RBMS3: variants seen among roughly 807,000 people sequenced by gnomAD.
The protein encoded by RBMS3 is RNA binding motif single stranded interacting protein 3.
Under a neutral mutation model 66.8 loss-of-function variants are expected in RBMS3, and 27 were observed. That is an observed-to-expected ratio of 0.40 (90% CI 0.30 to 0.56). RBMS3 has a LOEUF of 0.56. RBMS3 is among the 20% of genes least tolerant of loss of function. RBMS3 has a pLI of 0.40. For synonymous variants in RBMS3, 188 were observed against 183.0 expected, an observed-to-expected ratio of 1.03 and a Z score of -0.22; for missense variants, 513 against 549.5, an observed-to-expected ratio of 0.93 and a Z score of 0.66.
At chr3:29,382,809 C>T (rs1413284230) in intron 1 of RBMS3, among the ~76,000 whole-genome samples, 2 of 151,336 alleles carry the variant, frequency 1.3e-5, no homozygotes. Flanking sequence ...ATATAGAATC[C>T]AGAGATGAGA....
chr3:29,545,096 A>G (rs1179967904), intron 3 of RBMS3, among the ~76,000 whole-genome samples: 5 of 152,282 alleles, frequency 3.3e-5, no homozygotes, highest in African/African-American at 7.2e-5. Context: ...AAAAGAAACT[A>G]AAAGCCTTTC....
At chr3:29,646,332 T>C (rs926341542) in intron 4 of RBMS3, among the ~76,000 whole-genome samples, 1 of 152,182 alleles carries the variant, frequency 6.6e-6, no homozygotes, top group African/African-American at 2.4e-5. Flanking sequence ...AGAAAACAAT[T>C]GTGGCTGTAC....
intron 6 of RBMS3, among the ~76,000 whole-genome samples, chr3:29,833,828 A>G (rs558421893): frequency 1.4e-4 from 22 of 152,108 alleles, no homozygotes; most frequent in Non-Finnish European, 2.9e-4. Context: ...AGGTATATGA[A>G]GATCAAAAGC....
At chr3:29,903,595 A>C (rs888025373) in intron 10 of RBMS3, among the ~76,000 whole-genome samples, 1 of 152,008 alleles carries the variant, frequency 6.6e-6, no homozygotes, top group Non-Finnish European at 1.5e-5. Flanking sequence ...ATTTTGTTAC[A>C]TCTGTTATTA....
intron 10 of RBMS3, among the ~76,000 whole-genome samples, chr3:29,930,801 A>T (rs2061100511): frequency 6.6e-6 from 1 of 152,002 alleles, no homozygotes; most frequent in Non-Finnish European, 1.5e-5. Context: ...CTTGGATTTC[A>T]TCTTTAAGGG....
intron 2 of RBMS3, among the ~76,000 whole-genome samples, chr3:29,437,396 A>G (rs1429977663): frequency 2.0e-5 from 3 of 152,222 alleles, no homozygotes; most frequent in Admixed American, 6.5e-5. Context: ...TAACTCAGAG[A>G]TGTGGTAACA....
chr3:29,939,834 T>G (rs1168405259), intron 11 of RBMS3, among the ~76,000 whole-genome samples: 1 of 151,840 alleles, frequency 6.6e-6, no homozygotes, highest in Non-Finnish European at 1.5e-5. Context: ...CATCTAATAA[T>G]TTCAGACTCA....
chr3:29,787,418 A>G (rs1374201026), intron 6 of RBMS3, among the ~76,000 whole-genome samples: 1 of 152,226 alleles, frequency 6.6e-6, no homozygotes, highest in Non-Finnish European at 1.5e-5. Context: ...AATTGCAAAA[A>G]TATGGAACCA....
chr3:29,974,978 A>G (rs1254495418), intron 12 of RBMS3, among the ~76,000 whole-genome samples: 1 of 135,282 alleles, frequency 7.4e-6, no homozygotes, highest in Non-Finnish European at 1.6e-5. Context: ...ATATTTATAT[A>G]TTTTATATAT....
Position 29,487,666 on chromosome 3 carries a change from G to A in RBMS3, c.249-775G>A, listed in dbSNP as rs765827783. ...CTGTGTCGGCCACTGTCCTCAGCACGTTAGGTAAACCCCATTTTACCTTCA... is the reference window on the plus strand; with the variant it reads ...CTGTGTCGGCCACTGTCCTCAGCACATTAGGTAAACCCCATTTTACCTTCA... On this transcript the variant is annotated intron_variant, in intron 2 of 14. Transcript: ENST00000383767. 1.2e-4 allele frequency among the ~76,000 whole-genome samples: 18 copies of A among 152,094 alleles called. No homozygotes were observed. In the South Asian group the frequency reaches 1.5e-3, roughly 12 times the overall value.
chr3:29,658,379 G>T (rs555326376), intron 4 of RBMS3, among the ~76,000 whole-genome samples: 50 of 152,168 alleles, frequency 3.3e-4, no homozygotes, highest in Non-Finnish European at 1.5e-4. Flanking sequence ...TTTAGGCATG[G>T]CATGGAGCCT....
intron 1 of RBMS3, among the ~76,000 whole-genome samples, chr3:29,322,048 GT>G (rs1213354603): frequency 2.6e-5 from 4 of 152,040 alleles, no homozygotes; most frequent in Admixed American, 2.0e-4. Context: ...AATAACAATG[GT>G]TTTGCCAGGC....
chr3:29,869,433 G>T (rs528020060), intron 7 of RBMS3, among the ~76,000 whole-genome samples: 1 of 151,928 alleles, frequency 6.6e-6, no homozygotes, highest in Non-Finnish European at 1.5e-5. Flanking sequence ...ATTCCCATAT[G>T]TTCATAAATG....
At chr3:29,314,432 T>A (rs1575525763) in intron 1 of RBMS3, among the ~76,000 whole-genome samples, 1 of 151,678 alleles carries the variant, frequency 6.6e-6, no homozygotes, top group Non-Finnish European at 1.5e-5. Flanking sequence ...TACTTAAAGG[T>A]CACTGCTGGA....
chr3:29,340,019 T>A (rs1210374815), intron 1 of RBMS3, among the ~76,000 whole-genome samples: 1 of 152,104 alleles, frequency 6.6e-6, no homozygotes, highest in East Asian at 1.9e-4. Context: ...GACACAAACA[T>A]TGCCTTGCAT....
At chr3:29,609,309 T>G (rs2149130628) in intron 4 of RBMS3, among the ~76,000 whole-genome samples, 1 of 152,138 alleles carries the variant, frequency 6.6e-6, no homozygotes, top group South Asian at 2.1e-4. Context: ...AGTATTGGAC[T>G]GGCAGTATGG....
intron 3 of RBMS3, among the ~76,000 whole-genome samples, chr3:29,585,421 G>C (rs1229005927): frequency 6.6e-6 from 1 of 152,224 alleles, no homozygotes; most frequent in Non-Finnish European, 1.5e-5. Context: ...TTCATGGTAT[G>C]GTGTATTTGA....
At chr3:29,336,725 A>G (rs2035975338) in intron 1 of RBMS3, among the ~76,000 whole-genome samples, 1 of 152,176 alleles carries the variant, frequency 6.6e-6, no homozygotes. Flanking sequence ...TTCTATAATG[A>G]AAAAACTGAA....
chr3:29,868,199 C>A (rs138428010), intron 6 of RBMS3, among the ~76,000 whole-genome samples: 3 of 151,650 alleles, frequency 2.0e-5, no homozygotes, highest in African/African-American at 7.3e-5. Context: ...TCATGTAGGA[C>A]CACATCAAGC....
Sources: allele counts gnomAD v4.1 joint callset (sites outside exome capture counted in the v4.1 genomes callset), GRCh38; gene constraint gnomAD v4.1.1; transcripts MANE v1.5; gene names NCBI Gene and HGNC (gene_info 2026-07-23, HGNC 2026-07-21).